Variants in ST18 observed in about 807,000 individuals in gnomAD.
The protein encoded by ST18 is suppression of tumorigenicity 18 protein.
A neutral mutation model predicts 110.0 loss-of-function variants in ST18; 50 were observed. The ratio of observed to expected loss-of-function variants is 0.45; its 90% CI spans 0.36 to 0.58. The LOEUF is 0.58. Among genes scored for constraint, ST18 ranks in the 20% least tolerant of loss-of-function variants. The probability of loss-of-function intolerance (pLI) is 0.00; values close to 1 mark genes in which losing one functional copy is unlikely to be tolerated. For missense variants in ST18, 1,306 were observed against 1,280.1 expected, an observed-to-expected ratio of 1.02 and a Z score of -0.31; for synonymous variants, 461 against 452.4, an observed-to-expected ratio of 1.02 and a Z score of -0.24.
chr8:52,404,308 T>C (rs1044488155), intron 2 of ST18: 1 of 152,208 alleles, frequency 6.6e-6, no homozygotes, highest in Non-Finnish European at 1.5e-5. Flanking sequence ...AGACAGCACA[T>C]TCAAAGCACT....
chr8:52,143,738 A>G (rs1023451938), intron 16 of ST18, among the ~76,000 whole-genome samples: 2 of 152,230 alleles, frequency 1.3e-5, no homozygotes, highest in African/African-American at 4.8e-5. Context: ...TCCAGCAGTC[A>G]TAACAGCAGT....
At chr8:52,126,188 T>C in intron 22 of ST18, 48 bp from the exon 23 acceptor site, 5 of 1,549,794 alleles carry the variant, frequency 3.2e-6, no homozygotes, top group Non-Finnish European at 3.5e-6. Flanking sequence ...TATGATTTCT[T>C]ATAAAAATTA....
chr8:52,212,363 T>C (rs1287379636), intron 7 of ST18, among the ~76,000 whole-genome samples: 1 of 152,206 alleles, frequency 6.6e-6, no homozygotes, highest in Non-Finnish European at 1.5e-5. Flanking sequence ...GTACCTGTCC[T>C]TAGAGATTCA....
chr8:52,161,463 A>C lies in ST18; in HGVS notation c.1506T>G (p.Phe502Leu), dbSNP rs373729033. 6.2e-7 allele frequency: 1 copy of C among 1,614,068 alleles called. No homozygotes were observed. Among genetic ancestry groups the C allele is most frequent in the African/African-American group, 1.3e-5 (1 of 74,924 alleles). Residue 502 changes from phenylalanine to leucine, a missense_variant, in exon 14 of 26, where the codon TTT becomes TTG. Coordinates refer to ENST00000689386, the MANE Select transcript of ST18 (RefSeq NM_001352837.2). The stretch of plus-strand genomic sequence containing the variant: ...CTTGGGCATCAAAACTGGCATAATC[A>C]AATGGTACTTTTCCAAACTTCTCTT... Reference protein sequence around the residue: ...KEQEKFGKVPFDYASFDAQVF... With the variant: ...KEQEKFGKVPLDYASFDAQVF...
chr8:52,199,865 G>A (rs1382202422), intron 8 of ST18, among the ~76,000 whole-genome samples: 1 of 152,192 alleles, frequency 6.6e-6, no homozygotes, highest in East Asian at 1.9e-4. Context: ...CCTGCTCTGT[G>A]ACAGCAGAAG....
At chr8:52,362,942 T>C (rs1222301739) in intron 2 of ST18, among the ~76,000 whole-genome samples, 1 of 152,174 alleles carries the variant, frequency 6.6e-6, no homozygotes, top group East Asian at 1.9e-4. Flanking sequence ...CCAGACGCGG[T>C]GGCTCACGCC....
chr8:52,271,721 A>G (rs2095083076), intron 2 of ST18, among the ~76,000 whole-genome samples: 1 of 152,218 alleles, frequency 6.6e-6, no homozygotes. Context: ...TGAAGACAGT[A>G]GCTATTTTTT....
chr8:52,218,626 C>T (rs1007671071), intron 5 of ST18, among the ~76,000 whole-genome samples: 60 of 147,916 alleles, frequency 4.1e-4, no homozygotes, highest in Admixed American at 1.4e-3. Flanking sequence ...TCTTGAACTC[C>T]TGACCTCAGG....
chr8:52,404,722 G>C (rs1843870734), intron 2 of ST18: 1 of 152,120 alleles, frequency 6.6e-6, no homozygotes. Flanking sequence ...CTCTCAAGCT[G>C]TAAGTATCAA....
intron 2 of ST18, among the ~76,000 whole-genome samples, chr8:52,303,531 G>A (rs957627379): frequency 1.3e-5 from 2 of 152,206 alleles, no homozygotes; most frequent in East Asian, 1.9e-4. Context: ...GGGGGCATGC[G>A]ATTCAGCGGC....
chr8:52,132,142 A>G lies in ST18; in HGVS notation c.2482T>C (p.Ser828Pro). The change falls in exon 22 of 26, where the codon TCA becomes CCA. Residue 828 changes from serine (S) to proline (P), a missense_variant. Ser to Pro is a moderately conservative substitution (Grantham distance 74). Coordinates refer to ENST00000689386, the MANE Select transcript of ST18 (RefSeq NM_001352837.2). ...GTGCGGTGTGATGTGTATTTACCTG[A>G]TATGTGACCTTGGCCATCACACCCT... ...VIGCDGQGHI[S>P]GKYTSHRTAS... The G allele has an allele frequency of 6.2e-7, 1 of 1,613,792 alleles. No individual in the cohort carries two copies. Among genetic ancestry groups the G allele is most frequent in the Non-Finnish European group, 8.5e-7 (1 of 1,179,970 alleles).
chr8:52,206,996 G>C (rs1030974617), intron 8 of ST18, among the ~76,000 whole-genome samples: 5 of 151,988 alleles, frequency 3.3e-5, no homozygotes, highest in Non-Finnish European at 5.9e-5. Context: ...TCACCTCCAG[G>C]AATCTTTATG....
chr8:52,119,356 G>A (rs1447684729), intron 23 of ST18, among the ~76,000 whole-genome samples: 1 of 152,104 alleles, frequency 6.6e-6, no homozygotes, highest in African/African-American at 2.4e-5. Context: ...CAGGATTGGA[G>A]GTAATTTACC....
At chr8:52,257,055 A>C (rs62499799) in intron 2 of ST18, among the ~76,000 whole-genome samples, 1 of 152,066 alleles carries the variant, frequency 6.6e-6, no homozygotes, top group Non-Finnish European at 1.5e-5. Flanking sequence ...GGAATCATAT[A>C]ATATGTTGTC....
intron 2 of ST18, among the ~76,000 whole-genome samples, chr8:52,353,438 C>T (rs191645176): frequency 6.6e-5 from 10 of 152,258 alleles, no homozygotes; most frequent in South Asian, 2.1e-4. Flanking sequence ...TGGTACTAGA[C>T]GCTGAGAGGA....
At chr8:52,244,302 A>G (rs917310896) in intron 2 of ST18, among the ~76,000 whole-genome samples, 3 of 152,230 alleles carry the variant, frequency 2.0e-5, no homozygotes, top group East Asian at 1.9e-4. Context: ...AGGGTCTTCA[A>G]TTGAATGTGA....
At chr8:52,347,058 C>G (rs1474997659) in intron 2 of ST18, among the ~76,000 whole-genome samples, 1 of 152,170 alleles carries the variant, frequency 6.6e-6, no homozygotes, top group Admixed American at 6.5e-5. Flanking sequence ...AACAATCTCC[C>G]TAGAGTGATC....
At chr8:52,273,426 A>G (rs1215016600) in intron 2 of ST18, among the ~76,000 whole-genome samples, 1 of 152,204 alleles carries the variant, frequency 6.6e-6, no homozygotes, top group Admixed American at 6.5e-5. Context: ...GAAACCTGAG[A>G]GCCCCCAGAC....
At chr8:52,211,411 A>ATTATTT (rs1039582517) in intron 8 of ST18, among the ~76,000 whole-genome samples, 7 of 144,258 alleles carry the variant, frequency 4.9e-5, no homozygotes, top group African/African-American at 1.8e-4. Flanking sequence ...TATTATTATT[A>ATTATTT]TTATTATTAT....
Sources: gnomAD v4.1 joint callset for allele counts (sites outside exome capture counted in the v4.1 genomes callset) on GRCh38, gnomAD v4.1.1 for gene constraint, MANE v1.5 for transcripts, NCBI Gene and HGNC (gene_info 2026-07-23, HGNC 2026-07-21) for gene names.